The following TENM1 variants were observed in gnomAD, a reference collection of about 807,000 sequenced individuals.
TENM1 encodes teneurin-1.
TENM1 carries 35 observed loss-of-function variants against 174.8 expected under a neutral mutation model. The observed-to-expected ratio is 0.20, with a 90% CI of 0.15 to 0.27. The LOEUF (loss-of-function observed/expected upper bound fraction) is 0.27, where lower values mean the gene tolerates loss of function less well. Among genes scored for constraint, TENM1 ranks in the 10% least tolerant of loss-of-function variants. The pLI is 1.00. For synonymous variants in TENM1, 781 were observed against 798.7 expected, an observed-to-expected ratio of 0.98 and a Z score of 0.37; for missense variants, 1,633 against 2,130.1, an observed-to-expected ratio of 0.77 and a Z score of 4.59.
chrX:124,635,151 T>C (rs1172328580), intron 11 of TENM1, among the ~76,000 whole-genome samples: 2 of 111,852 alleles, frequency 1.8e-5, no homozygotes, highest in Admixed American at 9.5e-5. Context: ...TTAAGAATCA[T>C]AGATCTCAGT....
chrX:125,200,630 CGTGTGTGTGT>C, the TENM1 span, among the ~76,000 whole-genome samples: 3 of 92,281 alleles, frequency 3.3e-5, no homozygotes, highest in Non-Finnish European at 2.1e-5. Context: ...CAATTGCTTC[CGTGTGTGTGT>C]GTGTGTGTGT....
At chrX:124,843,248 C>T (rs961382037) in intron 3 of TENM1, among the ~76,000 whole-genome samples, 4 of 111,785 alleles carry the variant, frequency 3.6e-5, no homozygotes, top group Non-Finnish European at 7.5e-5. Context: ...AGCACTGTTT[C>T]TTTCAAAATG....
At chrX:124,584,914 C>T (rs2049451711) in intron 11 of TENM1, among the ~76,000 whole-genome samples, 1 of 109,415 alleles carries the variant, frequency 9.1e-6, no homozygotes, top group African/African-American at 3.4e-5. Flanking sequence ...GACTTTAAAC[C>T]AACAAAGATC....
chrX:125,026,150 T>C, the TENM1 span, among the ~76,000 whole-genome samples: 7 of 96,318 alleles, frequency 7.3e-5, no homozygotes, highest in Non-Finnish European at 1.5e-4. Flanking sequence ...GCTTGTAAAA[T>C]AAACAATCCT....
chrX:124,706,355 T>C (rs973611655), intron 4 of TENM1, among the ~76,000 whole-genome samples: 1 of 112,221 alleles, frequency 8.9e-6, no homozygotes, highest in Non-Finnish European at 1.9e-5. Flanking sequence ...TATGTGCACA[T>C]TTGCTGTAGA....
exon 28 of TENM1, chrX:124,392,198 C>T: frequency 1.7e-6 from 2 of 1,211,556 alleles, no homozygotes; most frequent in Non-Finnish European, 2.2e-6. Flanking sequence ...GTGATGTTCA[C>T]TTCATTATAT....
rs142269780 is a variant in TENM1, at chrX:124,424,780, C to T, written c.4105-2142G>A. Among the ~76,000 whole-genome samples the T allele has an allele frequency of 4.8e-3, 533 of 110,468 alleles. 1 individual carries two copies. Among genetic ancestry groups the T allele is most frequent in the African/African-American group, 0.017 (504 of 30,262 alleles). On this transcript the variant is annotated intron_variant, in intron 23 of 31. Coordinates refer to ENST00000422452, the Ensembl canonical transcript of TENM1. The stretch of plus-strand genomic sequence containing the variant: ...TACTGTATAGTGAGTTCTCATGAGA[C>T]GGGGTTGTTTAAAAGTGTGTAGCAC...
At chrX:125,200,311 T>C in the TENM1 span, among the ~76,000 whole-genome samples, 1 of 111,568 alleles carries the variant, frequency 9.0e-6, no homozygotes, top group East Asian at 2.8e-4. Flanking sequence ...AAAGAAATTG[T>C]GGTATATGTG....
chrX:124,802,624 G>A (rs1007402408), intron 3 of TENM1, among the ~76,000 whole-genome samples: 8 of 111,424 alleles, frequency 7.2e-5, no homozygotes, highest in African/African-American at 2.3e-4. Context: ...CACACCAGCC[G>A]CCTAGTCAGT....
At chrX:124,702,823 C>T (rs757884707) in intron 5 of TENM1, among the ~76,000 whole-genome samples, 1 of 111,359 alleles carries the variant, frequency 9.0e-6, no homozygotes, top group African/African-American at 3.3e-5. Context: ...TGATACCTAT[C>T]CTTAAGGATT....
the TENM1 span, among the ~76,000 whole-genome samples, chrX:124,974,222 T>C: frequency 4.5e-4 from 50 of 112,004 alleles, no homozygotes; most frequent in African/African-American, 1.6e-3. Context: ...CATTAATCCA[T>C]TGATGGCAGC....
the TENM1 span, among the ~76,000 whole-genome samples, chrX:125,012,701 C>T: frequency 1.5e-4 from 17 of 111,513 alleles, no homozygotes; most frequent in East Asian, 1.1e-3. Context: ...AAATCAAATG[C>T]GCACTACATT....
chrX:125,124,493 A>C, the TENM1 span, among the ~76,000 whole-genome samples: 1 of 111,907 alleles, frequency 8.9e-6, no homozygotes, highest in African/African-American at 3.2e-5. Context: ...ATAATTACAC[A>C]AATCACTTGG....
the TENM1 span, among the ~76,000 whole-genome samples, chrX:125,103,247 G>C: frequency 9.0e-6 from 1 of 111,349 alleles, no homozygotes; most frequent in Admixed American, 9.6e-5. Context: ...GGTTCTCCCA[G>C]CTCTCGTAAT....
chrX:124,466,228 A>T (rs1017957330), intron 22 of TENM1, among the ~76,000 whole-genome samples: 2 of 112,348 alleles, frequency 1.8e-5, no homozygotes, highest in Non-Finnish European at 3.7e-5. Context: ...ATATATATAA[A>T]CACACTTTAT....
intron 23 of TENM1, among the ~76,000 whole-genome samples, chrX:124,449,626 C>G (rs1031505540): frequency 3.6e-5 from 4 of 111,961 alleles, no homozygotes; most frequent in Non-Finnish European, 7.5e-5. Flanking sequence ...ACATTCACAC[C>G]CTTCTTTATT....
exon 30 of TENM1, chrX:124,383,844 T>G: frequency 8.3e-7 from 1 of 1,210,842 alleles, no homozygotes; most frequent in African/African-American, 1.7e-5. Context: ...AAACCAATAA[T>G]GACCTGAAAG....
chrX:124,791,870 G>T (rs945814474), intron 3 of TENM1, among the ~76,000 whole-genome samples: 2 of 111,248 alleles, frequency 1.8e-5, no homozygotes, highest in African/African-American at 3.3e-5. Context: ...GCGTGTGTGT[G>T]TGTGTGCATG....
At chrX:124,673,300 G>C (rs1188064776) in intron 5 of TENM1, among the ~76,000 whole-genome samples, 1 of 111,933 alleles carries the variant, frequency 8.9e-6, no homozygotes, top group East Asian at 2.8e-4. Context: ...AGGAAGATTA[G>C]AGCCATATTG....
Sources: allele counts gnomAD v4.1 joint callset (sites outside exome capture counted in the v4.1 genomes callset), GRCh38; gene constraint gnomAD v4.1.1; transcripts MANE v1.5; gene names NCBI Gene and HGNC (gene_info 2026-07-23, HGNC 2026-07-21).